TRIML2: variants seen among roughly 807,000 people sequenced by gnomAD.
TRIML2 encodes the protein probable E3 ubiquitin-protein ligase TRIML2.
A neutral mutation model predicts 31.2 loss-of-function variants in TRIML2; 28 were observed. The observed-to-expected ratio is 0.90, with a 90% CI of 0.66 to 1.23. TRIML2 has a LOEUF of 1.23. TRIML2 is among the 50% of genes most tolerant of loss of function. TRIML2 has a pLI of 0.00. For synonymous variants in TRIML2, 187 were observed against 197.5 expected (o/e 0.95, Z 0.45); for missense variants, 536 against 528.3 (o/e 1.01, Z -0.14).
At chr4:188,093,281 G>T (rs533376431) in intron 7 of TRIML2, among the ~76,000 whole-genome samples, 4 of 152,086 alleles carry the variant, frequency 2.6e-5, no homozygotes, top group Non-Finnish European at 5.9e-5. Context: ...TATTAGGGTG[G>T]TCTCAACAGC....
chr4:188,097,079 T>G lies in TRIML2; in HGVS notation c.727A>C (p.Met243Leu), dbSNP rs1004915992. 5.6e-6 allele frequency: 9 copies of G among 1,613,334 alleles called. No individual in the cohort carries two copies. Among genetic ancestry groups the G allele is most frequent in the Non-Finnish European group, 5.1e-6 (6 of 1,179,414 alleles). ...SLCHIRGLSS[M>L]FRVLQRHLTL... ...AACTTACTCTGGAGTACTCTGAACA[T>G]GCTGCTGAGTCCTCTTATGTGGCAT... The change falls in exon 7 of 8, where the codon ATG becomes CTG. Residue 243 changes from methionine to leucine, a missense_variant. Physicochemically the swap from Met to Leu is conservative, Grantham distance 15 (BLOSUM62 2). Coordinates refer to ENST00000682553, the MANE Select transcript of TRIML2 (RefSeq NM_173553.4).
At chr4:188,106,185 G>A (rs1734029372) in intron 1 of TRIML2, 1 of 146,960 alleles carries the variant, frequency 6.8e-6, no homozygotes. Context: ...GAGTAGCTGG[G>A]ACTTCAGGCG....
chr4:188,106,602 G>T, intron 1 of TRIML2: 1 of 156,424 alleles, frequency 6.4e-6, no homozygotes, highest in South Asian at 1.7e-4. Context: ...CCCTCCAGGT[G>T]ACCGGCCAGG....
At chr4:188,106,766 T>C in intron 1 of TRIML2, 1 of 212,474 alleles carries the variant, frequency 4.7e-6, no homozygotes, top group Non-Finnish European at 9.9e-6. Context: ...GCCAAGTCCG[T>C]GGTTCCCCGG....
At chr4:188,101,288 T>C (rs998210118) in intron 3 of TRIML2, 38 bp from the exon 4 acceptor site, 41 of 1,395,372 alleles carry the variant, frequency 2.9e-5, no homozygotes, top group Non-Finnish European at 3.9e-5. Flanking sequence ...AGGTTAAACA[T>C]GATAGATTAA....
rs1560956297 is a variant in TRIML2, at chr4:188,105,487, G to A, written c.-119C>T. ...TTTTCTGGAGCAGGCACACACACTTGGCAACTTCAGAGTCCACGAAGATCC... is the reference window on the plus strand; with the variant it reads ...TTTTCTGGAGCAGGCACACACACTTAGCAACTTCAGAGTCCACGAAGATCC... On this transcript the variant is annotated 5_prime_UTR_variant, in exon 2 of 8. Coordinates refer to ENST00000682553, the MANE Select transcript of TRIML2 (RefSeq NM_173553.4). 2.9e-6 allele frequency: 2 copies of A among 678,614 alleles called. No homozygotes were observed. The highest frequency in any genetic ancestry group is 4.6e-6 in the Non-Finnish European group (2 of 435,928). 42.0% of individuals were successfully genotyped at this position (678,614 alleles called of 1,614,324 possible). A position where few individuals can be genotyped will look rare whatever the true frequency, so the allele number is the denominator to read the frequency against.
intron 4 of TRIML2, among the ~76,000 whole-genome samples, chr4:188,099,545 CAG>C: frequency 6.9e-6 from 1 of 145,242 alleles, no homozygotes; most frequent in East Asian, 2.0e-4. Flanking sequence ...GCCTGAATGA[CAG>C]AGCAAGACTC....
chr4:188,104,938 G>A lies in TRIML2; in HGVS notation c.190-6C>T. The A allele has an allele frequency of 6.2e-7, 1 of 1,610,068 alleles. No individual in the cohort carries two copies. The highest frequency in any genetic ancestry group is 8.5e-7 in the Non-Finnish European group (1 of 1,176,466). ...AATATTTCCTGGAATAACTTCTATA[G>A]AGAAAGCACAGAATTCCAGGTGAGA... On this transcript the variant is annotated splice_polypyrimidine_tract_variant and splice_region_variant and intron_variant, in intron 2 of 7. Transcript: ENST00000682553.
At chr4:188,102,148 A>G (rs1733825921) in intron 3 of TRIML2, among the ~76,000 whole-genome samples, 1 of 151,394 alleles carries the variant, frequency 6.6e-6, no homozygotes, top group African/African-American at 2.4e-5. Flanking sequence ...AAAAAAAAAA[A>G]AGAAATGTTC....
At chr4:188,103,244 C>T (rs1195566236) in intron 3 of TRIML2, among the ~76,000 whole-genome samples, 1 of 151,584 alleles carries the variant, frequency 6.6e-6, no homozygotes, top group Non-Finnish European at 1.5e-5. Context: ...TCGTGATCCG[C>T]CCGCCTCGGC....
In TRIML2 at chr4:188,105,320, C is replaced by T. The variant is rs2111190185; in HGVS notation, c.49G>A (p.Ala17Thr). The change falls in exon 2 of 8, where the codon GCC becomes ACC. Residue 17 changes from alanine to threonine, a missense_variant. By Grantham distance (58) the Ala-to-Thr change is moderately conservative. Transcript: ENST00000682553. Reference protein sequence around the residue: ...PQLQHNITEDAYCETHLEPTR... With the variant: ...PQLQHNITEDTYCETHLEPTR... The stretch of plus-strand genomic sequence containing the variant: ...GGTTCCAGGTGTGTTTCACAATAGG[C>T]ATCTTCTGTGATGTTGTGCTGTAAC... 2 of 1,605,442 alleles carry T rather than the reference C, an allele frequency of 1.2e-6. No homozygotes were observed. The highest frequency in any genetic ancestry group is 8.5e-7 in the Non-Finnish European group (1 of 1,173,876).
chr4:188,106,748 C>G (rs1197643657), intron 1 of TRIML2: 2 of 197,624 alleles, frequency 1.0e-5, no homozygotes, highest in East Asian at 2.6e-4. Context: ...GCCCCGACTG[C>G]CCGGGAGGCC....
chr4:188,092,202 AG>A (rs905379054), intron 7 of TRIML2, among the ~76,000 whole-genome samples: 2 of 152,130 alleles, frequency 1.3e-5, no homozygotes, highest in African/African-American at 4.8e-5. Flanking sequence ...GAGCTAAGGA[AG>A]GTTTAGAAAC....
intron 7 of TRIML2, among the ~76,000 whole-genome samples, chr4:188,096,528 CAAAAAA>C (rs10607852): frequency 0.035 from 1,359 of 38,976 alleles, 3 homozygotes; most frequent in African/African-American, 0.1. Context: ...AACTCTGTCT[CAAAAAA>C]AAAAAAAAAA....
chr4:188,094,257 A>G (rs911525566), intron 7 of TRIML2, among the ~76,000 whole-genome samples: 6 of 152,132 alleles, frequency 3.9e-5, no homozygotes, highest in African/African-American at 1.4e-4. Context: ...TGTTCAACAC[A>G]CTGCAGGTCT....
intron 5 of TRIML2, chr4:188,098,781 T>C: frequency 2.3e-6 from 1 of 443,614 alleles, no homozygotes; most frequent in Non-Finnish European, 4.0e-6. Flanking sequence ...AACCACATTG[T>C]GTCACATCTC....
intron 7 of TRIML2, among the ~76,000 whole-genome samples, chr4:188,095,219 C>A (rs756427406): frequency 6.6e-6 from 1 of 151,808 alleles, no homozygotes; most frequent in Non-Finnish European, 1.5e-5. Flanking sequence ...TTGGCTTTGG[C>A]AAAATTTCTT....
In TRIML2 at chr4:188,105,387, T is replaced by C. The variant is rs564751603; in HGVS notation, c.-19A>G. On this transcript the variant is annotated 5_prime_UTR_variant, in exon 2 of 8. Coordinates refer to ENST00000682553, the MANE Select transcript of TRIML2 (RefSeq NM_173553.4). ...TGGACATCCTGGTAGGGGTCCCTAG[T>C]TGAAGACTGGACTGTATGCTTCTAC... The C allele has an allele frequency of 1.9e-6, 3 of 1,542,008 alleles. No homozygotes were observed. Among genetic ancestry groups the C allele is most frequent in the African/African-American group, 2.7e-5 (2 of 73,796 alleles).
Position 188,096,903 on chromosome 4 carries a change from C to T in TRIML2, c.745+158G>A, listed in dbSNP as rs193118848. Reference sequence around the variant, plus strand: ...AACTCCTGGCCTCAAGCAAACCGCCCGCCTTGGCCTCCCAAAGTGCTGGGA... The same window carrying T: ...AACTCCTGGCCTCAAGCAAACCGCCTGCCTTGGCCTCCCAAAGTGCTGGGA... On this transcript the variant is annotated intron_variant, in intron 7 of 7. Transcript: ENST00000682553. Among the ~76,000 whole-genome samples, 258 of 152,226 alleles carry T rather than the reference C, an allele frequency of 1.7e-3. 2 individuals carry two copies. Among genetic ancestry groups the T allele is most frequent in the Admixed American group, 0.015 (236 of 15,280 alleles).
Sources: allele counts gnomAD v4.1 joint callset (sites outside exome capture counted in the v4.1 genomes callset), GRCh38; gene constraint gnomAD v4.1.1; transcripts MANE v1.5; gene names NCBI Gene and HGNC (gene_info 2026-07-23, HGNC 2026-07-21).